PRRC2B: variants seen among roughly 807,000 people sequenced by gnomAD.
PRRC2B encodes protein PRRC2B.
PRRC2B carries 68 observed loss-of-function variants against 242.3 expected under a neutral mutation model. The ratio of observed to expected loss-of-function variants is 0.28; its 90% CI spans 0.23 to 0.34. PRRC2B has a LOEUF of 0.34. Ranked by LOEUF, PRRC2B falls within the 10% of genes least tolerant of loss-of-function variation. The probability of loss-of-function intolerance (pLI) is 1.00; values close to 1 mark genes in which losing one functional copy is unlikely to be tolerated. For missense variants in PRRC2B, 2,835 were observed against 2,954.8 expected, an observed-to-expected ratio of 0.96 and a Z score of 0.94; for synonymous variants, 1,228 against 1,173.6, an observed-to-expected ratio of 1.05 and a Z score of -0.95.
chr9:131,460,272 G>C (rs1040770171), intron 11 of PRRC2B, among the ~76,000 whole-genome samples: 6 of 152,156 alleles, frequency 3.9e-5, no homozygotes, highest in Non-Finnish European at 5.9e-5. Context: ...ATCCAGTTCA[G>C]AATCACACAC....
intron 1 of PRRC2B, among the ~76,000 whole-genome samples, chr9:131,400,871 T>A (rs539367817): frequency 6.6e-6 from 1 of 152,288 alleles, no homozygotes; most frequent in East Asian, 1.9e-4. Context: ...GATGCCCCAT[T>A]GACTCCTGGG....
Position 131,478,631 on chromosome 9 carries a change from A to AGTGGGGGGGGGG in PRRC2B, c.4758+13_4758+14insTGGGGGGGGGGG. 5.0e-6 allele frequency: 1 copy of AGTGGGGGGGGGG among 200,902 alleles called. No individual in the cohort carries two copies. The highest frequency in any genetic ancestry group is 9.1e-6 in the Non-Finnish European group (1 of 110,450). 12.4% of individuals were successfully genotyped at this position (200,902 alleles called of 1,614,324 possible). Reference sequence around the variant, plus strand: ...AGCAGGCCGTGCAGGTGAGGGGCGGAGGGTGGGGGGGCATGGGGCTGGAGG... The same window carrying AGTGGGGGGGGGG: ...AGCAGGCCGTGCAGGTGAGGGGCGGAGTGGGGGGGGGGGGGTGGGGGGGCATGGGGCTGGAGG... On this transcript the variant is annotated intron_variant, in intron 18 of 31. Coordinates refer to ENST00000683519, the MANE Select transcript of PRRC2B (RefSeq NM_013318.4).
chr9:131,464,486 A>G (rs1041207024), intron 11 of PRRC2B, among the ~76,000 whole-genome samples: 2 of 152,176 alleles, frequency 1.3e-5, no homozygotes, highest in African/African-American at 2.4e-5. Context: ...CTTTGCAAAC[A>G]TGGTTTTCAC....
At chr9:131,436,863 G>C (rs1010779676) in intron 4 of PRRC2B, 141 bp downstream of exon 4, 20 of 653,586 alleles carry the variant, frequency 3.1e-5, no homozygotes, top group Non-Finnish European at 5.0e-5. Context: ...CCCGATGAGT[G>C]ACTTTAGAAA....
chr9:131,463,821 C>CCCCCCATATT (rs1943312915), intron 11 of PRRC2B, among the ~76,000 whole-genome samples: 1 of 151,718 alleles, frequency 6.6e-6, no homozygotes, highest in Non-Finnish European at 1.5e-5. Flanking sequence ...GGGGTAAATA[C>CCCCCCATATT]GGGGTCTCAC....
At position 131,487,066 on chromosome 9, in the gene PRRC2B, G is replaced by A; in HGVS notation, c.5857-101G>A. The A allele has an allele frequency of 9.7e-7, 1 of 1,028,972 alleles. No individual in the cohort carries two copies. Among genetic ancestry groups the A allele is most frequent in the South Asian group, 1.4e-5 (1 of 74,058 alleles). 63.7% of individuals were successfully genotyped at this position (1,028,972 alleles called of 1,614,324 possible). A position where few individuals can be genotyped will look rare whatever the true frequency, so the allele number is the denominator to read the frequency against. Reference sequence around the variant, plus strand: ...TGCTGGCATTTGAATTTTGGGCAGTGTTCCAGCAGCCATGTGGAGAGGGGC... The same window carrying A: ...TGCTGGCATTTGAATTTTGGGCAGTATTCCAGCAGCCATGTGGAGAGGGGC... On this transcript the variant is annotated intron_variant, in intron 26 of 31. Transcript: ENST00000683519. The surrounding 1 kb of genome is among the most constrained non-coding windows in gnomAD (Gnocchi z 5.3).
intron 12 of PRRC2B, among the ~76,000 whole-genome samples, chr9:131,467,248 T>A (rs1189737717): frequency 6.6e-6 from 1 of 152,220 alleles, no homozygotes; most frequent in Non-Finnish European, 1.5e-5. Context: ...TTAGTCCTTT[T>A]TAATAAAACA....
At chr9:131,415,565 T>C (rs1837625534) in intron 1 of PRRC2B, among the ~76,000 whole-genome samples, 1 of 152,072 alleles carries the variant, frequency 6.6e-6, no homozygotes, top group Non-Finnish European at 1.5e-5. Context: ...AAAAATCCTA[T>C]TTTGAGTCCT....
Position 131,476,355 on chromosome 9 carries a change from G to C in PRRC2B, c.4226G>C (p.Ser1409Thr), listed in dbSNP as rs763985763. The C allele has an allele frequency of 1.3e-6, 2 of 1,593,820 alleles. No individual in the cohort carries two copies. Among genetic ancestry groups the C allele is most frequent in the South Asian group, 1.1e-5 (1 of 88,508 alleles). Residue 1409 changes from serine to threonine, a missense_variant, in exon 16 of 32, where the codon AGT becomes ACT. Physicochemically the swap from Ser to Thr is moderately conservative, Grantham distance 58. Around this residue, in one of 7 missense-constraint regions of PRRC2B, gnomAD observed 1,536 missense variants for 1,483.1 expected, o/e 1.04. Coordinates refer to ENST00000683519, the MANE Select transcript of PRRC2B (RefSeq NM_013318.4). Reference sequence around the variant, plus strand: ...GTGGATGGTGGCCTGTCGGGGGCTAGTTTGGGTGAGAAGAAGGAGCTGGCC... The same window carrying C: ...GTGGATGGTGGCCTGTCGGGGGCTACTTTGGGTGAGAAGAAGGAGCTGGCC... ...SQVDGGLSGA[S>T]LGEKKELAKR...
chr9:131,461,759 T>G (rs535742130), intron 11 of PRRC2B, among the ~76,000 whole-genome samples: 2 of 152,320 alleles, frequency 1.3e-5, no homozygotes, highest in East Asian at 3.9e-4. Flanking sequence ...CAGGCTGATC[T>G]ACCCTGATCT....
upstream of PRRC2B, among the ~76,000 whole-genome samples, chr9:131,389,733 T>A (rs1253646254): frequency 1.3e-5 from 2 of 149,728 alleles, no homozygotes; most frequent in African/African-American, 4.9e-5. Flanking sequence ...CATCCACTTT[T>A]CAACCACCAT....
chr9:131,432,752 G>T lies in PRRC2B; in HGVS notation c.251G>T (p.Gly84Val). The T allele has an allele frequency of 2.5e-6, 4 of 1,614,070 alleles. No homozygotes were observed. The highest frequency in any genetic ancestry group is 3.4e-6 in the Non-Finnish European group (4 of 1,179,900). The stretch of plus-strand genomic sequence containing the variant: ...AACATCGTGATAGTACCCAAGGACG[G>T]GACGGGATGGGCAAACAAGCAGGAT... ...DPNIVIVPKD[G>V]TGWANKQDQQ... The change falls in exon 3 of 32, where the codon GGG becomes GTG. Residue 84 changes from glycine (G) to valine (V), a missense_variant. Gly to Val is a moderately radical substitution (Grantham distance 109, BLOSUM62 -3). Coordinates refer to ENST00000683519, the MANE Select transcript of PRRC2B (RefSeq NM_013318.4).
chr9:131,411,206 G>A (rs1245376571), intron 1 of PRRC2B, among the ~76,000 whole-genome samples: 3 of 151,812 alleles, frequency 2.0e-5, no homozygotes, highest in Non-Finnish European at 2.9e-5. Flanking sequence ...GCAGTGAGCC[G>A]AGATCACGCC....
intron 4 of PRRC2B, among the ~76,000 whole-genome samples, chr9:131,437,146 G>C (rs80213770): frequency 6.6e-6 from 1 of 152,060 alleles, no homozygotes; most frequent in Non-Finnish European, 1.5e-5. Flanking sequence ...AAAACAAAAC[G>C]AAGCGAGCTC....
chr9:131,483,314 C>A, intron 22 of PRRC2B, 45 bp from the exon 23 acceptor site: 1 of 1,553,584 alleles, frequency 6.4e-7, no homozygotes, highest in Non-Finnish European at 8.9e-7. Context: ...GAATGTAGGG[C>A]CAGGAGGATC....
intron 1 of PRRC2B, among the ~76,000 whole-genome samples, chr9:131,424,101 A>T (rs1837920681): frequency 6.6e-6 from 1 of 152,240 alleles, no homozygotes; most frequent in East Asian, 1.9e-4. Context: ...ACGCCCAGCT[A>T]ATTTTTTTAA....
intron 1 of PRRC2B, among the ~76,000 whole-genome samples, chr9:131,379,922 C>T (rs1174353654): frequency 6.6e-6 from 1 of 151,198 alleles, no homozygotes; most frequent in African/African-American, 2.4e-5. Context: ...CCGCACCCAG[C>T]CAGCCTTTTT....
At position 131,470,945 on chromosome 9, in the gene PRRC2B, C is replaced by G; in HGVS notation, c.2069C>G (p.Thr690Ser). ...GACCCACGTATCACGCCCACTCGGA[C>G]CCCGGTGGACTTCTACCCCTCCGCC... The part of the protein sequence containing the change: ...YMDPRITPTR[T>S]PVDFYPSALH... Residue 690 changes from threonine to serine, a missense_variant, in exon 14 of 32, where the codon ACC (threonine) becomes AGC (serine). By Grantham distance (58) the Thr-to-Ser change is moderately conservative. Around this residue, in one of 7 missense-constraint regions of PRRC2B, gnomAD observed 1,536 missense variants for 1,483.1 expected, o/e 1.04. Coordinates refer to ENST00000683519, the MANE Select transcript of PRRC2B (RefSeq NM_013318.4). The G allele has an allele frequency of 6.2e-7, 1 of 1,612,360 alleles. No individual in the cohort carries two copies. Among genetic ancestry groups the G allele is most frequent in the Non-Finnish European group, 8.5e-7 (1 of 1,179,044 alleles).
chr9:131,402,966 C>CT (rs2131285956), intron 1 of PRRC2B, among the ~76,000 whole-genome samples: 1 of 152,350 alleles, frequency 6.6e-6, no homozygotes, highest in East Asian at 1.9e-4. Context: ...TCCCGACACG[C>CT]TTCAGGATCA....
Sources: gnomAD v4.1 joint callset for allele counts (sites outside exome capture counted in the v4.1 genomes callset) on GRCh38, gnomAD v4.1.1 for gene constraint, gnomAD v4.1.1 regional missense constraint, Gnocchi (gnomAD v3.1) non-coding constraint, MANE v1.5 for transcripts, NCBI Gene and HGNC (gene_info 2026-07-23, HGNC 2026-07-21) for gene names.